DDX60: variants seen among roughly 807,000 people sequenced by gnomAD.
DDX60 encodes probable ATP-dependent RNA helicase DDX60.
DDX60 carries 165 observed loss-of-function variants against 212.8 expected under a neutral mutation model. The observed-to-expected ratio is 0.78, with a 90% CI of 0.68 to 0.88. The LOEUF (loss-of-function observed/expected upper bound fraction) is 0.88, where lower values mean the gene tolerates loss of function less well. Ranked by LOEUF, DDX60 falls within the 40% of genes least tolerant of loss-of-function variation. The pLI, the probability that DDX60 is intolerant of heterozygous loss-of-function variation, is 0.00. For missense variants in DDX60, 1,905 were observed against 2,003.9 expected, an observed-to-expected ratio of 0.95 and a Z score of 0.94; for synonymous variants, 703 against 685.3, an observed-to-expected ratio of 1.03 and a Z score of -0.40.
intron 14 of DDX60, among the ~76,000 whole-genome samples, chr4:168,279,803 C>G (rs973258714): frequency 1.3e-5 from 2 of 152,106 alleles, no homozygotes; most frequent in Admixed American, 1.3e-4. Context: ...GATGAAGAAC[C>G]TGAAGCAGAA....
At chr4:168,242,025 C>T (rs896577861) in intron 30 of DDX60, among the ~76,000 whole-genome samples, 1 of 152,202 alleles carries the variant, frequency 6.6e-6, no homozygotes, top group Non-Finnish European at 1.5e-5. Flanking sequence ...GGACAAGGTA[C>T]AGCTCAGGCT....
Position 168,302,386 on chromosome 4 carries a change from T to C in DDX60, c.637A>G (p.Thr213Ala), listed in dbSNP as rs377080063. 41 of 1,576,164 alleles carry C rather than the reference T, an allele frequency of 2.6e-5. No individual in the cohort carries two copies. The highest frequency in any genetic ancestry group is 3.4e-5 in the Non-Finnish European group (40 of 1,162,426). The part of the protein sequence containing the change: ...NKQNIKDAYT[T>A]LLNQLERFKL... ...AATCTTTCCAACTGGTTAAGCAGGG[T>C]TGTATAAGCATCTTTAATGTTCTGC... is the stretch of plus-strand genomic sequence containing the variant. The change falls in exon 6 of 38, where the codon ACC (threonine) becomes GCC (alanine). Residue 213 changes from threonine to alanine, a missense_variant. Thr to Ala is a moderately conservative substitution (Grantham distance 58). Coordinates refer to ENST00000393743, the MANE Select transcript of DDX60 (RefSeq NM_017631.6).
intron 26 of DDX60, among the ~76,000 whole-genome samples, chr4:168,254,089 G>A (rs28539596): frequency 0.17 from 25,734 of 152,092 alleles, 3,807 homozygotes; most frequent in African/African-American, 0.39. Context: ...TTGCCTCACT[G>A]TAAGTTTTTA....
At chr4:168,251,135 T>A in intron 27 of DDX60, 29 bp from the exon 28 acceptor site, 1 of 1,571,282 alleles carries the variant, frequency 6.4e-7, no homozygotes, top group Non-Finnish European at 8.6e-7. Flanking sequence ...TTAGGGATTA[T>A]GATTTAATTT....
chr4:168,321,930 C>G (rs945052543), upstream of DDX60, among the ~76,000 whole-genome samples: 8 of 152,138 alleles, frequency 5.3e-5, no homozygotes, highest in African/African-American at 1.9e-4. Context: ...CTTCCATTTT[C>G]AAACAATAAG....
At chr4:168,222,444 T>C (rs1733094251) in intron 35 of DDX60, among the ~76,000 whole-genome samples, 4 of 151,922 alleles carry the variant, frequency 2.6e-5, no homozygotes, top group African/African-American at 9.7e-5. Flanking sequence ...TGAGTGTAAA[T>C]TGGCACAGCT....
At chr4:168,309,883 G>A (rs1341831947) in intron 3 of DDX60, among the ~76,000 whole-genome samples, 4 of 152,126 alleles carry the variant, frequency 2.6e-5, no homozygotes, top group Non-Finnish European at 5.9e-5. Context: ...TTTAGAGCAG[G>A]AAGGGATAAG....
chr4:168,323,924 A>G, the DDX60 span, among the ~76,000 whole-genome samples: 2 of 152,226 alleles, frequency 1.3e-5, no homozygotes, highest in Non-Finnish European at 2.9e-5. Flanking sequence ...GAAAGTCGCC[A>G]CATTCCATTG....
At chr4:168,297,044 G>A (rs1736375390) in intron 6 of DDX60, among the ~76,000 whole-genome samples, 1 of 151,490 alleles carries the variant, frequency 6.6e-6, no homozygotes, top group Non-Finnish European at 1.5e-5. Context: ...CCGAGTAGCT[G>A]GGACTACAGG....
chr4:168,317,937 T>C (rs1263715482), intron 1 of DDX60, among the ~76,000 whole-genome samples: 1 of 152,176 alleles, frequency 6.6e-6, no homozygotes. Flanking sequence ...TGAGCATCCA[T>C]GGTGTCCCAT....
intron 9 of DDX60, among the ~76,000 whole-genome samples, chr4:168,287,914 T>A (rs757339921): frequency 2.2e-4 from 34 of 152,164 alleles, no homozygotes; most frequent in Non-Finnish European, 3.7e-4. Context: ...GTTCAACTTT[T>A]GAAATTAACT....
chr4:168,316,139 A>C (rs940059602), intron 1 of DDX60, among the ~76,000 whole-genome samples: 1 of 152,248 alleles, frequency 6.6e-6, no homozygotes, highest in Non-Finnish European at 1.5e-5. Flanking sequence ...GAAAAGTTAA[A>C]GGAAGCTATA....
At chr4:168,293,753 A>ATAGTATT (rs1937000770) in intron 7 of DDX60, 34 bp downstream of exon 7, 1 of 1,527,920 alleles carries the variant, frequency 6.5e-7, no homozygotes, top group Non-Finnish European at 8.8e-7. Flanking sequence ...GTGGAGAGAA[A>ATAGTATT]TAGTATTTCT....
intron 30 of DDX60, among the ~76,000 whole-genome samples, chr4:168,245,249 G>T (rs539320908): frequency 6.6e-6 from 1 of 152,216 alleles, no homozygotes; most frequent in African/African-American, 2.4e-5. Flanking sequence ...TCATATAATT[G>T]CATAAACAGA....
chr4:168,297,254 GGAAAGAAAGAAAGAAAAA>G (rs1172407801), intron 6 of DDX60, among the ~76,000 whole-genome samples: 5 of 141,258 alleles, frequency 3.5e-5, no homozygotes, highest in Admixed American at 7.3e-5. Context: ...AAACAGGGCT[GGAAAGAAAGAAAGAAAAA>G]GAAAGAAAGA....
upstream of DDX60, among the ~76,000 whole-genome samples, chr4:168,321,273 G>A (rs1298181996): frequency 6.6e-6 from 1 of 151,766 alleles, no homozygotes; most frequent in Non-Finnish European, 1.5e-5. Context: ...AACCTCTGAG[G>A]ACTCCCAAAT....
At chr4:168,297,011 C>T (rs966035102) in intron 6 of DDX60, among the ~76,000 whole-genome samples, 2 of 151,502 alleles carry the variant, frequency 1.3e-5, no homozygotes, top group South Asian at 2.1e-4. Context: ...TCCAGGTTCA[C>T]GCGATTCTCC....
At chr4:168,254,264 G>T (rs1734324623) in intron 26 of DDX60, among the ~76,000 whole-genome samples, 2 of 152,114 alleles carry the variant, frequency 1.3e-5, no homozygotes, top group South Asian at 4.1e-4. Context: ...GATGGAAGAG[G>T]CCAGAGTGGG....
intron 6 of DDX60, among the ~76,000 whole-genome samples, chr4:168,299,918 AGAG>A (rs1207969165): frequency 1.4e-4 from 21 of 152,242 alleles, no homozygotes; most frequent in African/African-American, 4.1e-4. Context: ...ATATTGAAAA[AGAG>A]GAGAAGACAT....
Sources: gnomAD v4.1 joint callset for allele counts (sites outside exome capture counted in the v4.1 genomes callset) on GRCh38, gnomAD v4.1.1 for gene constraint, MANE v1.5 for transcripts, NCBI Gene and HGNC (gene_info 2026-07-23, HGNC 2026-07-21) for gene names.